Variants in LRMDA observed in about 807,000 individuals in gnomAD.
LRMDA encodes the protein leucine-rich melanocyte differentiation-associated protein.
A neutral mutation model predicts 29.8 loss-of-function variants in LRMDA; 18 were observed. The observed-to-expected ratio is 0.60, with a 90% CI of 0.42 to 0.90. The LOEUF is 0.90. LRMDA is among the 40% of genes least tolerant of loss of function. The pLI, the probability that LRMDA is intolerant of heterozygous loss-of-function variation, is 0.00. For synonymous variants in LRMDA, 125 were observed against 109.4 expected (o/e 1.14, Z -0.89); for missense variants, 273 against 273.9 (o/e 1.00, Z 0.02).
chr10:75,619,062 G>T (rs1028713977), intron 2 of LRMDA, among the ~76,000 whole-genome samples: 8 of 152,114 alleles, frequency 5.3e-5, no homozygotes, highest in Admixed American at 5.2e-4. Context: ...CTCCCAAAGT[G>T]CTGGGATTAC....
At chr10:75,524,847 G>A (rs1195300048) in intron 2 of LRMDA, among the ~76,000 whole-genome samples, 1 of 152,034 alleles carries the variant, frequency 6.6e-6, no homozygotes, top group Non-Finnish European at 1.5e-5. Flanking sequence ...GCTGATGTGG[G>A]GGAGATAGAA....
chr10:76,154,468 G>C lies in LRMDA; in HGVS notation c.516+95685G>C, dbSNP rs140285661. 4.1e-4 allele frequency among the ~76,000 whole-genome samples: 63 copies of C among 152,318 alleles called. No individual in the cohort carries two copies. The East Asian group carries it at 0.01, about 24-fold the overall frequency. Reference sequence around the variant, plus strand: ...AATACAATATAAAAGATGACTTGCAGTGAAGGAGGTAGTCCTCTTTCATGA... The same window carrying C: ...AATACAATATAAAAGATGACTTGCACTGAAGGAGGTAGTCCTCTTTCATGA... On this transcript the variant is annotated intron_variant, in intron 5 of 6. Transcript: ENST00000611255.
At chr10:76,037,741 A>C (rs1848276069) in intron 3 of LRMDA, among the ~76,000 whole-genome samples, 1 of 152,194 alleles carries the variant, frequency 6.6e-6, no homozygotes, top group Admixed American at 6.5e-5. Flanking sequence ...CATCAGAGAG[A>C]TCTACCCTTA....
chr10:76,303,823 C>CTG (rs1456253755), intron 5 of LRMDA, among the ~76,000 whole-genome samples: 1 of 151,372 alleles, frequency 6.6e-6, no homozygotes, highest in Non-Finnish European at 1.5e-5. Context: ...ATATGACATT[C>CTG]AGTACTGCTG....
At chr10:75,956,602 G>C (rs146819157) in intron 2 of LRMDA, among the ~76,000 whole-genome samples, 1 of 152,128 alleles carries the variant, frequency 6.6e-6, no homozygotes, top group Admixed American at 6.5e-5. Flanking sequence ...TCTAATGCCC[G>C]TAGTCTTTCT....
In LRMDA at chr10:76,500,230, G is replaced by A. The variant is rs555502209; in HGVS notation, c.602-56979G>A. Among the ~76,000 whole-genome samples, 150 of 76,242 alleles carry A rather than the reference G, an allele frequency of 2.0e-3. 60 individuals are homozygous for A. The highest frequency in any genetic ancestry group is 7.5e-3 in the South Asian group (22 of 2,928). The allele number at this position is 76,242 out of a possible 152,430, so 50.0% of individuals were successfully genotyped here. A position where few individuals can be genotyped will look rare whatever the true frequency, so the allele number is the denominator to read the frequency against. ...TACTGCAGAAGAATATATAAAACAT[G>A]TAAGACAGAATGAATAGAAATCACC... On this transcript the variant is annotated intron_variant, in intron 6 of 6. Transcript: ENST00000611255.
intron 5 of LRMDA, among the ~76,000 whole-genome samples, chr10:76,208,560 C>G (rs1851578913): frequency 1.3e-5 from 2 of 152,210 alleles, no homozygotes; most frequent in South Asian, 4.1e-4. Flanking sequence ...ACCCCAGAGC[C>G]TGGTCCAGCC....
chr10:76,367,738 G>A (rs963457848), intron 6 of LRMDA, among the ~76,000 whole-genome samples: 15 of 151,992 alleles, frequency 9.9e-5, no homozygotes, highest in South Asian at 2.1e-4. Flanking sequence ...GTGAGCCACC[G>A]CGCCTGGCTG....
intron 6 of LRMDA, among the ~76,000 whole-genome samples, chr10:76,503,456 C>T (rs1842931066): frequency 7.7e-6 from 1 of 130,718 alleles, no homozygotes. Context: ...TGGTCTGGGG[C>T]TTTCTTTGAT....
At chr10:75,557,687 G>C (rs1488258208) in intron 2 of LRMDA, among the ~76,000 whole-genome samples, 1 of 152,194 alleles carries the variant, frequency 6.6e-6, no homozygotes, top group Non-Finnish European at 1.5e-5. Context: ...AGCTGGGATT[G>C]AGGCGAGTGG....
At chr10:75,469,263 T>TG (rs1169231652) in intron 2 of LRMDA, among the ~76,000 whole-genome samples, 1 of 143,122 alleles carries the variant, frequency 7.0e-6, no homozygotes, top group Non-Finnish European at 1.6e-5. Flanking sequence ...GAGAGGAAAA[T>TG]GGCTTTTATA....
intron 2 of LRMDA, among the ~76,000 whole-genome samples, chr10:75,464,841 CTTTTT>C (rs1439973100): frequency 2.0e-5 from 3 of 152,152 alleles, no homozygotes; most frequent in Non-Finnish European, 4.4e-5. Flanking sequence ...TCTCCCTTTT[CTTTTT>C]TATTTCAGCT....
intron 5 of LRMDA, among the ~76,000 whole-genome samples, chr10:76,104,323 C>G (rs899653197): frequency 2.6e-5 from 4 of 152,176 alleles, no homozygotes; most frequent in Non-Finnish European, 4.4e-5. Flanking sequence ...TTCCCTTGCT[C>G]TGTGTCCTGG....
chr10:76,332,593 A>G (rs1457475876), intron 6 of LRMDA, among the ~76,000 whole-genome samples: 1 of 152,232 alleles, frequency 6.6e-6, no homozygotes, highest in Admixed American at 6.5e-5. Context: ...GACAGTCCCA[A>G]TAAAAAATGA....
At chr10:76,434,060 A>G (rs1340292319) in intron 6 of LRMDA, among the ~76,000 whole-genome samples, 1 of 152,186 alleles carries the variant, frequency 6.6e-6, no homozygotes, top group Non-Finnish European at 1.5e-5. Flanking sequence ...TTAAAATCCA[A>G]AAGGGTTAGT....
At chr10:75,701,210 G>A (rs920263798) in intron 2 of LRMDA, among the ~76,000 whole-genome samples, 1 of 152,148 alleles carries the variant, frequency 6.6e-6, no homozygotes, top group Non-Finnish European at 1.5e-5. Context: ...TTGCCTGAAC[G>A]CGAGAGGCTG....
intron 6 of LRMDA, among the ~76,000 whole-genome samples, chr10:76,496,907 G>T (rs928569451): frequency 2.7e-5 from 2 of 74,326 alleles, no homozygotes; most frequent in African/African-American, 6.5e-5. Flanking sequence ...GGAGAAAGTG[G>T]CATTGATATG....
rs753240055 is a variant in LRMDA, at chr10:75,618,355, A to ACTCTCTCT, written c.131+179882_131+179889dup. 7.1e-4 allele frequency among the ~76,000 whole-genome samples: 93 copies of ACTCTCTCT among 131,862 alleles called. 2 individuals carry two copies. Among genetic ancestry groups the ACTCTCTCT allele is most frequent in the African/African-American group, 2.3e-3 (79 of 33,728 alleles). 86.5% of individuals were successfully genotyped at this position (131,862 alleles called of 152,430 possible). The stretch of plus-strand genomic sequence containing the variant: ...ATCCTTATGTAGTTGTCTTTACCAG[A>ACTCTCTCT]CTCTCTCTCTCTCTCTCTCTCTCTC... On this transcript the variant is annotated intron_variant, in intron 2 of 6. Coordinates refer to ENST00000611255, the MANE Select transcript of LRMDA (RefSeq NM_001305581.2).
intron 2 of LRMDA, among the ~76,000 whole-genome samples, chr10:75,563,492 G>C (rs534516297): frequency 1.3e-5 from 2 of 151,998 alleles, no homozygotes; most frequent in African/African-American, 4.8e-5. Flanking sequence ...CCTGTAGCTC[G>C]GAGTAGTTTG....
Sources: allele counts gnomAD v4.1 joint callset (sites outside exome capture counted in the v4.1 genomes callset), GRCh38; gene constraint gnomAD v4.1.1; transcripts MANE v1.5; gene names NCBI Gene and HGNC (gene_info 2026-07-23, HGNC 2026-07-21).